The following CUL4B variants were observed in gnomAD, a reference collection of about 807,000 sequenced individuals.
The protein encoded by CUL4B is cullin 4B.
CUL4B carries 1 observed loss-of-function variant against 69.2 expected under a neutral mutation model. The ratio of observed to expected loss-of-function variants is 0.01; its 90% CI spans 0.01 to 0.07. The LOEUF (loss-of-function observed/expected upper bound fraction) is 0.07, where lower values mean the gene tolerates loss of function less well. CUL4B is among the 10% of genes least tolerant of loss of function. The probability of loss-of-function intolerance (pLI) is 1.00; values close to 1 mark genes in which losing one functional copy is unlikely to be tolerated. For missense variants in CUL4B, 328 were observed against 638.8 expected (o/e 0.51, Z 5.24); for synonymous variants, 237 against 223.2 (o/e 1.06, Z -0.55).
chrX:120,534,204 T>G (rs1015178836), intron 17 of CUL4B, among the ~76,000 whole-genome samples: 1 of 104,994 alleles, frequency 9.5e-6, no homozygotes, highest in Admixed American at 1.0e-4. Flanking sequence ...ACCCTGTCTC[T>G]ACAAAAAAAA....
rs765543535 is a variant in CUL4B, at chrX:120,530,130, A to G, written c.2564T>C (p.Val855Ala). ...TLSHNLLVSE[V>A]YNQLKFPVKP... ...TACTGGAAATTTCAACTGGTTGTACACTTCTGAAACAAGGAGATTGTGGCT... is the reference window on the plus strand; with the variant it reads ...TACTGGAAATTTCAACTGGTTGTACGCTTCTGAAACAAGGAGATTGTGGCT... The change falls in exon 19 of 20, where the codon GTG becomes GCG. Residue 855 changes from valine (V) to alanine (A), a missense_variant. By Grantham distance (64) the Val-to-Ala change is moderately conservative. This residue lies in a region of CUL4B where 98 missense variants were observed against 296.8 expected (regional missense o/e 0.33). Transcript: ENST00000371322. 2 of 1,210,888 alleles carry G rather than the reference A, an allele frequency of 1.7e-6. No individual in the cohort carries two copies. Among genetic ancestry groups the G allele is most frequent in the South Asian group, 3.5e-5 (2 of 56,988 alleles).
chrX:120,528,519 G>A (rs945634959), intron 19 of CUL4B, among the ~76,000 whole-genome samples: 2 of 110,353 alleles, frequency 1.8e-5, no homozygotes, highest in Admixed American at 9.7e-5. Flanking sequence ...TCAGGAGTTC[G>A]AGACCAGCCT....
intron 15 of CUL4B, among the ~76,000 whole-genome samples, chrX:120,536,522 T>G (rs1355370567): frequency 8.9e-6 from 1 of 112,361 alleles, no homozygotes; most frequent in Non-Finnish European, 1.9e-5. Context: ...GCAAGAATTC[T>G]TAATAGCTAG....
chrX:120,562,983 C>G (rs905227319), upstream of CUL4B, among the ~76,000 whole-genome samples: 1 of 112,266 alleles, frequency 8.9e-6, no homozygotes, highest in African/African-American at 3.2e-5. Flanking sequence ...ATAGGTGAAT[C>G]AGAACCCTGC....
intron 4 of CUL4B, among the ~76,000 whole-genome samples, chrX:120,545,727 A>T (rs770473227): frequency 1.2e-4 from 13 of 110,458 alleles, no homozygotes; most frequent in Non-Finnish European, 2.3e-4. Flanking sequence ...TAGAAAAAAG[A>T]CACTTAAAAT....
At chrX:120,529,277 C>G (rs1238918864) in intron 19 of CUL4B, among the ~76,000 whole-genome samples, 1 of 111,422 alleles carries the variant, frequency 9.0e-6, no homozygotes, top group Non-Finnish European at 1.9e-5. Flanking sequence ...TAAGAGCTAC[C>G]GAGTGCTTAT....
At chrX:120,553,147 AT>A (rs1013553157) in intron 2 of CUL4B, among the ~76,000 whole-genome samples, 2 of 112,155 alleles carry the variant, frequency 1.8e-5, no homozygotes, top group Non-Finnish European at 3.8e-5. Context: ...TTAGTTGTAC[AT>A]TTTAAAAAAC....
downstream of CUL4B, among the ~76,000 whole-genome samples, chrX:120,566,730 A>G (rs1925560085): frequency 9.0e-6 from 1 of 110,953 alleles, no homozygotes; most frequent in Admixed American, 9.7e-5. Context: ...TGTTTATCTT[A>G]CATCGCCTGA....
At chrX:120,529,195 G>A (rs1452337536) in intron 19 of CUL4B, among the ~76,000 whole-genome samples, 1 of 111,428 alleles carries the variant, frequency 9.0e-6, no homozygotes, top group Non-Finnish European at 1.9e-5. Flanking sequence ...AGCAGAGCAT[G>A]AGGGTGAGAG....
chrX:120,526,814 C>A lies in CUL4B; in HGVS notation c.2635G>T (p.Asp879Tyr). Residue 879 changes from aspartate to tyrosine, a missense_variant, in exon 20 of 20, where the codon GAC (aspartate) becomes TAC (tyrosine). By Grantham distance (160) the Asp-to-Tyr change is radical (BLOSUM62 -3). Around this residue, in one of 4 missense-constraint regions of CUL4B, gnomAD observed 98 missense variants for 296.8 expected, o/e 0.33. Transcript: ENST00000371322. The stretch of plus-strand genomic sequence containing the variant: ...TTTTCTTTATCTCTTTCCATGTAGT[C>A]CCGGTCAATTAAAGATTCTATTCTC... The part of the protein sequence containing the change: ...KKRIESLIDR[D>Y]YMERDKENPN... The A allele has an allele frequency of 8.4e-7, 1 of 1,197,459 alleles. No individual in the cohort carries two copies. Among genetic ancestry groups the A allele is most frequent in the South Asian group, 1.8e-5 (1 of 56,637 alleles).
chrX:120,524,256 T>C lies in CUL4B; in HGVS notation c.*2505A>G, dbSNP rs1192816363. Among the ~76,000 whole-genome samples, 1 of 111,776 alleles carries C rather than the reference T, an allele frequency of 8.9e-6. No individual in the cohort carries two copies. Among genetic ancestry groups the C allele is most frequent in the Non-Finnish European group, 1.9e-5 (1 of 53,063 alleles). On this transcript the variant is annotated 3_prime_UTR_variant, in exon 20 of 20. Transcript: ENST00000371322. ...AACAGAAAAGGCAGAGCAAATGCCA[T>C]AACTAAGAGTAATCTTTTCTTCTCC... is the stretch of plus-strand genomic sequence containing the variant.
intron 9 of CUL4B, among the ~76,000 whole-genome samples, chrX:120,541,939 TA>T (rs1189018043): frequency 1.8e-5 from 2 of 110,047 alleles, no homozygotes; most frequent in Non-Finnish European, 3.8e-5. Flanking sequence ...GCTATAAAAA[TA>T]AAAACAGGCC....
chrX:120,574,522 T>G (rs780639513), intron 2 of CUL4B: 32 of 1,149,850 alleles, frequency 2.8e-5, no homozygotes, highest in Non-Finnish European at 3.6e-6. Flanking sequence ...TAGACTTAAC[T>G]CTTGAGTTTT....
Position 120,545,612 on chromosome X carries a change from T to C in CUL4B, c.847-95A>G, listed in dbSNP as rs756247517. ...AGAATAAAACTGAAGAGTTTGTCTG[T>C]ATATATATTACATTACTAAGATCAA... On this transcript the variant is annotated intron_variant, in intron 4 of 19. Transcript: ENST00000371322. 1.9e-3 allele frequency: 1,078 copies of C among 574,370 alleles called. 5 individuals carry two copies. The highest frequency in any genetic ancestry group is 6.9e-4 in the Non-Finnish European group (238 of 343,129). 47.3% of individuals were successfully genotyped at this position (574,370 alleles called of 1,213,427 possible).
chrX:120,573,236 CT>C (rs1243151869), intron 2 of CUL4B, among the ~76,000 whole-genome samples: 1 of 111,001 alleles, frequency 9.0e-6, no homozygotes, highest in Non-Finnish European at 1.9e-5. Context: ...CTACAATTTG[CT>C]TTTTTCGCTT....
At position 120,540,443 on chromosome X, in the gene CUL4B, T is replaced by C. The variant is rs1923922058; in HGVS notation, c.1563A>G (p.Lys521=). 1 of 1,207,086 alleles carries C rather than the reference T, an allele frequency of 8.3e-7. No individual in the cohort carries two copies. Among genetic ancestry groups the C allele is most frequent in the Non-Finnish European group, 1.1e-6 (1 of 891,274 alleles). Reference sequence around the variant, plus strand: ...ATGCTTCTTTCATGGCATTGATAAATTTCTCATTCTTCAGAAAGCAGATAT... The same window carrying C: ...ATGCTTCTTTCATGGCATTGATAAACTTCTCATTCTTCAGAAAGCAGATAT... The part of the protein sequence containing the change: ...IIDICFLKNE[K]FINAMKEAFE... The change falls in exon 11 of 20, where the codon AAA becomes AAG. Residue 521 remains lysine (K), a synonymous_variant. Coordinates refer to ENST00000371322, the MANE Select transcript of CUL4B (RefSeq NM_001079872.2).
At chrX:120,569,606 C>T (rs931522876), downstream of CUL4B, among the ~76,000 whole-genome samples, 8 of 111,266 alleles carry the variant, frequency 7.2e-5, no homozygotes, top group Non-Finnish European at 1.1e-4. Context: ...GTGATCCAAC[C>T]GCCTCGGCCT....
downstream of CUL4B, among the ~76,000 whole-genome samples, chrX:120,569,447 G>A (rs1422444794): frequency 9.5e-6 from 1 of 105,223 alleles, no homozygotes; most frequent in African/African-American, 3.5e-5. Flanking sequence ...TGCAAGCTCC[G>A]ACTCCCTGGT....
upstream of CUL4B, among the ~76,000 whole-genome samples, chrX:120,564,170 G>A (rs1925425068): frequency 9.0e-6 from 1 of 111,658 alleles, no homozygotes; most frequent in Non-Finnish European, 1.9e-5. Flanking sequence ...GGACATGGTG[G>A]TGTTCACCTG....
Sources: gnomAD v4.1 joint callset for allele counts (sites outside exome capture counted in the v4.1 genomes callset) on GRCh38, gnomAD v4.1.1 for gene constraint, gnomAD v4.1.1 regional missense constraint, MANE v1.5 for transcripts, NCBI Gene and HGNC (gene_info 2026-07-23, HGNC 2026-07-21) for gene names.